WWP2: variants seen among roughly 807,000 people sequenced by gnomAD.
The protein encoded by WWP2 is NEDD4-like E3 ubiquitin-protein ligase WWP2.
WWP2 carries 57 observed loss-of-function variants against 121.0 expected under a neutral mutation model. The ratio of observed to expected loss-of-function variants is 0.47; its 90% confidence interval spans 0.38 to 0.59. WWP2 has a LOEUF of 0.59. WWP2 is among the 20% of genes least tolerant of loss of function. WWP2 has a pLI of 0.00. For synonymous variants in WWP2, 449 were observed against 441.3 expected, an observed-to-expected ratio of 1.02 and a Z score of -0.22; for missense variants, 962 against 1,158.9, an observed-to-expected ratio of 0.83 and a Z score of 2.47.
intron 4 of WWP2, among the ~76,000 whole-genome samples, chr16:69,800,882 G>GT (rs1050179977): frequency 1.4e-5 from 2 of 147,336 alleles, no homozygotes; most frequent in Non-Finnish European, 3.0e-5. Context: ...TATTCTTAAT[G>GT]TTTTTTTAAA....
intron 6 of WWP2, among the ~76,000 whole-genome samples, chr16:69,870,417 C>G (rs1242720716): frequency 6.6e-6 from 1 of 151,412 alleles, no homozygotes; most frequent in Non-Finnish European, 1.5e-5. Flanking sequence ...CCTCCTACTT[C>G]AGCCTCTTGA....
In WWP2 at chr16:69,937,385, C is replaced by T; in HGVS notation, c.2238+147C>T. On this transcript the variant is annotated intron_variant, in intron 20 of 23. Coordinates refer to ENST00000359154, the MANE Select transcript of WWP2 (RefSeq NM_001270454.2). The surrounding 1 kb of genome is among the most constrained non-coding windows in gnomAD (Gnocchi z 6.6). ...GGTTTGATTTGGGACCCACCCTTCC[C>T]CAGACACTTGTTTCAAGAAAGCAGG... is the stretch of plus-strand genomic sequence containing the variant. 7.0e-7 allele frequency: 1 copy of T among 1,426,736 alleles called. No homozygotes were observed. The highest frequency in any genetic ancestry group is 9.5e-7 in the Non-Finnish European group (1 of 1,058,092). 88.4% of individuals were successfully genotyped at this position (1,426,736 alleles called of 1,614,324 possible).
intron 6 of WWP2, among the ~76,000 whole-genome samples, chr16:69,846,070 A>AAAG (rs58504050): frequency 1.3e-5 from 2 of 149,652 alleles, no homozygotes; most frequent in African/African-American, 5.0e-5. Context: ...AAAAAAAAAA[A>AAAG]GAATACTTAT....
At chr16:69,781,311 T>C (rs2055659474) in intron 1 of WWP2, among the ~76,000 whole-genome samples, 1 of 152,050 alleles carries the variant, frequency 6.6e-6, no homozygotes, top group Non-Finnish European at 1.5e-5. Flanking sequence ...GCATAGGACG[T>C]CAAAGTTCAT....
chr16:69,929,868 G>A (rs1232451393), intron 12 of WWP2, among the ~76,000 whole-genome samples: 1 of 152,228 alleles, frequency 6.6e-6, no homozygotes, highest in East Asian at 1.9e-4. Context: ...CTGTGCTGGG[G>A]CACAGGGTGC....
intron 4 of WWP2, among the ~76,000 whole-genome samples, chr16:69,826,938 C>A (rs1290062753): frequency 3.8e-3 from 327 of 85,146 alleles, no homozygotes; most frequent in East Asian, 8.2e-3. Context: ...GACTCCACCT[C>A]AAAAAAAAAA....
At chr16:69,916,027 A>T (rs1482516305) in intron 9 of WWP2, among the ~76,000 whole-genome samples, 1 of 119,690 alleles carries the variant, frequency 8.4e-6, no homozygotes, top group African/African-American at 3.0e-5. Context: ...TAACAGAGTG[A>T]GACCCTGTCA....
At chr16:69,850,213 C>T (rs974904120) in intron 6 of WWP2, among the ~76,000 whole-genome samples, 3 of 151,950 alleles carry the variant, frequency 2.0e-5, no homozygotes, top group South Asian at 2.1e-4. Context: ...GGTGAAACCC[C>T]GTCCCTACTA....
At chr16:69,916,661 A>G (rs1298215976) in intron 9 of WWP2, among the ~76,000 whole-genome samples, 1 of 152,152 alleles carries the variant, frequency 6.6e-6, no homozygotes, top group Non-Finnish European at 1.5e-5. Flanking sequence ...GCCTGGTTTC[A>G]TCCCTGGGAG....
rs567500291 is a variant in WWP2, at chr16:69,832,468, T to C, written c.341-7658T>C. 3.3e-5 allele frequency among the ~76,000 whole-genome samples: 5 copies of C among 152,320 alleles called. No homozygotes were observed. In the South Asian group the frequency reaches 1.0e-3, roughly 32 times the overall value. On this transcript the variant is annotated intron_variant, in intron 4 of 23. Coordinates refer to ENST00000359154, the MANE Select transcript of WWP2 (RefSeq NM_001270454.2). ...ACCTAGAAAACTCAATGGTAATCAT[T>C]TAATATTTTGAACTATCTAGTCAGT...
chr16:69,897,159 G>C (rs529505849), intron 8 of WWP2, among the ~76,000 whole-genome samples: 9 of 152,004 alleles, frequency 5.9e-5, no homozygotes, highest in Admixed American at 2.0e-4. Context: ...CTGGAGTGCA[G>C]TGGCGTGGTC....
intron 9 of WWP2, among the ~76,000 whole-genome samples, chr16:69,914,953 A>T (rs1418848858): frequency 2.0e-5 from 3 of 152,252 alleles, no homozygotes; most frequent in African/African-American, 7.2e-5. Flanking sequence ...AGAAGAATGA[A>T]TGGGATGCAA....
At chr16:69,803,568 C>T (rs2056216278) in intron 4 of WWP2, among the ~76,000 whole-genome samples, 1 of 152,144 alleles carries the variant, frequency 6.6e-6, no homozygotes, top group South Asian at 2.1e-4. Context: ...AGGCCCCCCA[C>T]TTCCACCCTG....
At chr16:69,928,704 G>A (rs1393495208) in intron 11 of WWP2, among the ~76,000 whole-genome samples, 4 of 152,116 alleles carry the variant, frequency 2.6e-5, no homozygotes, top group Admixed American at 2.6e-4. Context: ...GAGGCCAGGA[G>A]TTCGAGACCA....
intron 4 of WWP2, among the ~76,000 whole-genome samples, chr16:69,802,805 A>T (rs1267291126): frequency 1.3e-5 from 2 of 151,990 alleles, no homozygotes; most frequent in Non-Finnish European, 2.9e-5. Context: ...GAGTTTCACC[A>T]TGTTGGCCAG....
At chr16:69,789,471 C>T (rs2055862710) in intron 2 of WWP2, among the ~76,000 whole-genome samples, 1 of 152,140 alleles carries the variant, frequency 6.6e-6, no homozygotes, top group Non-Finnish European at 1.5e-5. Context: ...CTCATGATCT[C>T]CCCGCCTCGG....
At chr16:69,810,025 G>T (rs1184677568) in intron 4 of WWP2, among the ~76,000 whole-genome samples, 1 of 152,130 alleles carries the variant, frequency 6.6e-6, no homozygotes, top group African/African-American at 2.4e-5. Context: ...GTGCGGTTAG[G>T]TAACTCCTCT....
chr16:69,779,295 A>G (rs143936724), intron 1 of WWP2, among the ~76,000 whole-genome samples: 8 of 152,322 alleles, frequency 5.3e-5, no homozygotes, highest in African/African-American at 1.9e-4. Flanking sequence ...AAGGTTTTAC[A>G]ATTCCAAATG....
chr16:69,903,631 G>C (rs1299341851), intron 8 of WWP2, among the ~76,000 whole-genome samples: 1 of 152,046 alleles, frequency 6.6e-6, no homozygotes, highest in Non-Finnish European at 1.5e-5. Flanking sequence ...AGCCAGGTGT[G>C]GTGGCGCATA....
Sources: gnomAD v4.1 joint callset for allele counts (sites outside exome capture counted in the v4.1 genomes callset) on GRCh38, gnomAD v4.1.1 for gene constraint, Gnocchi (gnomAD v3.1) non-coding constraint, MANE v1.5 for transcripts, NCBI Gene and HGNC (gene_info 2026-07-23, HGNC 2026-07-21) for gene names.